The following SLC27A1 variants were observed in gnomAD, a reference collection of about 807,000 sequenced individuals.
The protein encoded by SLC27A1 is solute carrier family 27 member 1.
SLC27A1 carries 61 observed loss-of-function variants against 62.2 expected under a neutral mutation model. The ratio of observed to expected loss-of-function variants is 0.98; its 90% CI spans 0.80 to 1.21. The LOEUF (loss-of-function observed/expected upper bound fraction) is 1.21, where lower values mean the gene tolerates loss of function less well. Ranked by LOEUF, SLC27A1 falls within the 50% of genes most tolerant of loss-of-function variation. The pLI is 0.00. For synonymous variants in SLC27A1, 435 were observed against 408.6 expected (o/e 1.06, Z -0.78); for missense variants, 903 against 932.1 (o/e 0.97, Z 0.41).
At chr19:17,494,199 T>G (rs1190557401) in intron 6 of SLC27A1, among the ~76,000 whole-genome samples, 1 of 149,464 alleles carries the variant, frequency 6.7e-6, no homozygotes, top group Non-Finnish European at 1.5e-5. Flanking sequence ...TTTTTTTGTA[T>G]TTTTTAGTAC....
At chr19:17,495,021 G>A (rs1366648903) in intron 6 of SLC27A1, among the ~76,000 whole-genome samples, 2 of 150,476 alleles carry the variant, frequency 1.3e-5, no homozygotes, top group Admixed American at 6.6e-5. Context: ...TCCCCAGGCT[G>A]GAGTACAATA....
chr19:17,504,776 G>T lies in SLC27A1; in HGVS notation c.*164G>T. On this transcript the variant is annotated 3_prime_UTR_variant, in exon 12 of 12. Coordinates refer to ENST00000252595, the MANE Select transcript of SLC27A1 (RefSeq NM_198580.3). ...AAACTGGAACCTCAGAGGAACCCGT[G>T]CCTCTCTGCTGCCTTGGTGCCCCTG... 10 of 894,914 alleles carry T rather than the reference G, an allele frequency of 1.1e-5. No individual in the cohort carries two copies. The highest frequency in any genetic ancestry group is 1.8e-5 in the Non-Finnish European group (10 of 560,126). 55.4% of individuals were successfully genotyped at this position (894,914 alleles called of 1,614,324 possible). A position where few individuals can be genotyped will look rare whatever the true frequency, so the allele number is the denominator to read the frequency against.
In SLC27A1 at chr19:17,497,410, G is replaced by A. The variant is rs2075362065; in HGVS notation, c.1152G>A (p.Gly384=). ...AGCGCTTCGGCGTACGCCAAATCGG[G>A]GAGTTCTACGGCGCCACCGAGTGCA... ...FTERFGVRQI[G]EFYGATECNC... Residue 384 remains glycine (G), a synonymous_variant, in exon 7 of 12, where the codon GGG becomes GGA. Coordinates refer to ENST00000252595, the MANE Select transcript of SLC27A1 (RefSeq NM_198580.3). The A allele has an allele frequency of 1.2e-6, 2 of 1,603,638 alleles. No homozygotes were observed. The highest frequency in any genetic ancestry group is 3.5e-5 in the Admixed American group (2 of 56,686).
chr19:17,481,902 A>G (rs2075182040), intron 1 of SLC27A1, among the ~76,000 whole-genome samples: 1 of 152,200 alleles, frequency 6.6e-6, no homozygotes, highest in Admixed American at 6.5e-5. Context: ...CCCAGAGAGC[A>G]GCAGGACAGG....
chr19:17,472,947 T>G (rs1320433464), intron 1 of SLC27A1, among the ~76,000 whole-genome samples: 1 of 152,048 alleles, frequency 6.6e-6, no homozygotes, highest in Non-Finnish European at 1.5e-5. Context: ...AACGCCTGCC[T>G]CCGCTCCTGG....
chr19:17,504,512 C>T lies in SLC27A1; in HGVS notation c.1841C>T (p.Thr614Ile), dbSNP rs752348065. The T allele has an allele frequency of 6.2e-7, 1 of 1,614,222 alleles. No individual in the cohort carries two copies. The highest frequency in any genetic ancestry group is 8.5e-7 in the Non-Finnish European group (1 of 1,180,046). ...LQREGFDPRQTSDRLFFLDLK... is the reference protein window; with the variant it reads ...LQREGFDPRQISDRLFFLDLK... ...CGAGAGGGCTTTGACCCACGCCAGA[C>T]CTCAGACCGGCTCTTCTTCCTGGAC... Residue 614 changes from threonine to isoleucine, a missense_variant, in exon 12 of 12, where the codon ACC becomes ATC. By Grantham distance (89) the Thr-to-Ile change is moderately conservative. Transcript: ENST00000252595.
At chr19:17,484,085 A>G (rs2075205748) in intron 1 of SLC27A1, 1 of 152,310 alleles carries the variant, frequency 6.6e-6, no homozygotes, top group African/African-American at 2.4e-5. Context: ...CTCTGTCCCC[A>G]GAGCTGAGAA....
chr19:17,487,026 T>G, intron 2 of SLC27A1, 69 bp downstream of exon 2: 1 of 1,538,608 alleles, frequency 6.5e-7, no homozygotes. Flanking sequence ...GGGGAGATGC[T>G]GCGCCCCAGG....
chr19:17,475,033 G>C (rs535644907), intron 1 of SLC27A1, among the ~76,000 whole-genome samples: 1 of 152,000 alleles, frequency 6.6e-6, no homozygotes, highest in Admixed American at 6.6e-5. Context: ...TCCTGTCTCA[G>C]CCTCCCGAGT....
intron 1 of SLC27A1, among the ~76,000 whole-genome samples, chr19:17,479,004 G>A (rs998387962): frequency 3.3e-5 from 5 of 152,160 alleles, no homozygotes; most frequent in African/African-American, 1.2e-4. Flanking sequence ...GGCTGAGGCA[G>A]GAGGATCACT....
In SLC27A1 at chr19:17,506,051, C is replaced by T. The variant is rs1230453371; in HGVS notation, c.*1439C>T. 1 of 152,314 alleles carries T rather than the reference C, an allele frequency of 6.6e-6. No homozygotes were observed. The highest frequency in any genetic ancestry group is 1.5e-5 in the Non-Finnish European group (1 of 68,118). 9.4% of individuals were successfully genotyped at this position (152,314 alleles called of 1,614,324 possible). ...CGTCTGTCCTCCCTCCAGCAGCACC[C>T]CCTGGCCCCTGGAGTGGTGGGGCCA... On this transcript the variant is annotated 3_prime_UTR_variant, in exon 12 of 12. Coordinates refer to ENST00000252595, the MANE Select transcript of SLC27A1 (RefSeq NM_198580.3).
In SLC27A1 at chr19:17,504,392, T is replaced by C. The variant is rs573068328; in HGVS notation, c.1784-63T>C. On this transcript the variant is annotated intron_variant, in intron 11 of 11. Transcript: ENST00000252595. Reference sequence around the variant, plus strand: ...AGGTCCAGAGGTGCAGGAGAGGATATTGAGTTGAGGCCTCCCAGAAGCCAC... The same window carrying C: ...AGGTCCAGAGGTGCAGGAGAGGATACTGAGTTGAGGCCTCCCAGAAGCCAC... 129 of 1,594,030 alleles carry C rather than the reference T, an allele frequency of 8.1e-5. No individual in the cohort carries two copies. The African/African-American group carries it at 1.5e-3, about 19-fold the overall frequency.
intron 1 of SLC27A1, among the ~76,000 whole-genome samples, chr19:17,484,789 C>T (rs988370785): frequency 6.6e-6 from 1 of 152,162 alleles, no homozygotes; most frequent in Non-Finnish European, 1.5e-5. Context: ...TGCTGAAGTC[C>T]ACTGTGAACA....
rs1408158542 is a variant in SLC27A1, at chr19:17,504,832, C to CT, written c.*221dup. 3.0e-5 allele frequency: 21 copies of CT among 699,286 alleles called. No individual in the cohort carries two copies. The East Asian group carries it at 4.9e-4, about 16-fold the overall frequency. 43.3% of individuals were successfully genotyped at this position (699,286 alleles called of 1,614,324 possible). On this transcript the variant is annotated 3_prime_UTR_variant, in exon 12 of 12. Coordinates refer to ENST00000252595, the MANE Select transcript of SLC27A1 (RefSeq NM_198580.3). Reference sequence around the variant, plus strand: ...GCCTCCTCTCCCTGCTTTTCAGCCTCTGTCTCCTTCCATCCCTGTCCCTGT... The same window carrying CT: ...GCCTCCTCTCCCTGCTTTTCAGCCTCTTGTCTCCTTCCATCCCTGTCCCTGT...
intron 1 of SLC27A1, among the ~76,000 whole-genome samples, chr19:17,477,081 G>T (rs2075130231): frequency 6.6e-6 from 1 of 151,688 alleles, no homozygotes; most frequent in Non-Finnish European, 1.5e-5. Flanking sequence ...TAGAGACGGG[G>T]TTTTGCCATG....
At chr19:17,504,433 C>G (rs1460756688) in intron 11 of SLC27A1, 22 bp from the exon 12 acceptor site, 1 of 1,613,916 alleles carries the variant, frequency 6.2e-7, no homozygotes, top group Non-Finnish European at 8.5e-7. Flanking sequence ...CAGCCCTTAT[C>G]TGCCCCCCAT....
Position 17,504,844 on chromosome 19 carries a change from A to G in SLC27A1, c.*232A>G, listed in dbSNP as rs573204490. On this transcript the variant is annotated 3_prime_UTR_variant, in exon 12 of 12. Coordinates refer to ENST00000252595, the MANE Select transcript of SLC27A1 (RefSeq NM_198580.3). ...TGCTTTTCAGCCTCTGTCTCCTTCC[A>G]TCCCTGTCCCTGTCTGGCCTTAACT... 2.9e-6 allele frequency: 2 copies of G among 687,854 alleles called. No homozygotes were observed. Among genetic ancestry groups the G allele is most frequent in the African/African-American group, 3.6e-5 (2 of 56,260 alleles). 42.6% of individuals were successfully genotyped at this position (687,854 alleles called of 1,614,324 possible).
At chr19:17,503,828 A>T (rs1309318380) in intron 11 of SLC27A1, among the ~76,000 whole-genome samples, 1 of 141,810 alleles carries the variant, frequency 7.1e-6, no homozygotes, top group East Asian at 2.3e-4. Context: ...GCTACTTGGG[A>T]GGCTGAGGCA....
At chr19:17,491,529 T>A (rs962450538) in intron 6 of SLC27A1, among the ~76,000 whole-genome samples, 6 of 152,208 alleles carry the variant, frequency 3.9e-5, no homozygotes, top group Admixed American at 1.3e-4. Flanking sequence ...TTTTTTCTTA[T>A]TTCCATAATT....
Sources: gnomAD v4.1 joint callset for allele counts (sites outside exome capture counted in the v4.1 genomes callset) on GRCh38, gnomAD v4.1.1 for gene constraint, MANE v1.5 for transcripts, NCBI Gene and HGNC (gene_info 2026-07-23, HGNC 2026-07-21) for gene names.